HSPA13: variants seen among roughly 807,000 people sequenced by gnomAD.
HSPA13 encodes the protein heat shock protein family A (Hsp70) member 13.
HSPA13 carries 29 observed loss-of-function variants against 38.8 expected under a neutral mutation model. That is an observed-to-expected ratio of 0.75 (90% CI 0.56 to 1.02). HSPA13 has a LOEUF of 1.02. HSPA13 is among the 50% of genes least tolerant of loss of function. HSPA13 has a pLI of 0.00. For missense variants in HSPA13, 451 were observed against 560.9 expected, an observed-to-expected ratio of 0.80 and a Z score of 1.98; for synonymous variants, 192 against 205.3, an observed-to-expected ratio of 0.94 and a Z score of 0.56.
intron 2 of HSPA13, among the ~76,000 whole-genome samples, chr21:14,380,557 G>A (rs1215599379): frequency 6.6e-6 from 1 of 151,962 alleles, no homozygotes; most frequent in Non-Finnish European, 1.5e-5. Flanking sequence ...ATGGTTAAGA[G>A]CATATAACCT....
chr21:14,377,104 T>C (rs1003762574), intron 3 of HSPA13, among the ~76,000 whole-genome samples: 1 of 152,208 alleles, frequency 6.6e-6, no homozygotes, highest in African/African-American at 2.4e-5. Context: ...GTTAAATATT[T>C]TGTAGTTTAC....
Position 14,373,366 on chromosome 21 carries a change from T to G in HSPA13, c.*251A>C, listed in dbSNP as rs539235679. Reference sequence around the variant, plus strand: ...GAAAATATAGTTATCCATACTCTTTTAAGAGAGTTGTACCTCAATTTTATC... The same window carrying G: ...GAAAATATAGTTATCCATACTCTTTGAAGAGAGTTGTACCTCAATTTTATC... On this transcript the variant is annotated 3_prime_UTR_variant, in exon 5 of 5. Coordinates refer to ENST00000285667, the MANE Select transcript of HSPA13 (RefSeq NM_006948.5). The G allele has an allele frequency of 3.7e-5, 16 of 430,668 alleles. No individual in the cohort carries two copies. The South Asian group carries it at 6.5e-4, about 17-fold the overall frequency. 26.7% of individuals were successfully genotyped at this position (430,668 alleles called of 1,614,324 possible).
At position 14,373,490 on chromosome 21, in the gene HSPA13, G is replaced by T; in HGVS notation, c.*127C>A. On this transcript the variant is annotated 3_prime_UTR_variant, in exon 5 of 5. Transcript: ENST00000285667. ...ACAAAACACTATGTAAAATTTTCCT[G>T]TATCTAAATGTTGCCCTCTAGGTAA... is the stretch of plus-strand genomic sequence containing the variant. 2 of 768,774 alleles carry T rather than the reference G, an allele frequency of 2.6e-6. No individual in the cohort carries two copies. Among genetic ancestry groups the T allele is most frequent in the East Asian group, 2.7e-5 (1 of 37,202 alleles). The allele number at this position is 768,774 out of a possible 1,614,324, so 47.6% of individuals were successfully genotyped here.
At chr21:14,380,489 T>C (rs1056155341) in intron 2 of HSPA13, among the ~76,000 whole-genome samples, 2 of 152,054 alleles carry the variant, frequency 1.3e-5, no homozygotes, top group Admixed American at 6.5e-5. Flanking sequence ...TTTTCACTTA[T>C]CTGACTGTTA....
At position 14,372,965 on chromosome 21, in the gene HSPA13, A is replaced by G. The variant is rs1982861109; in HGVS notation, c.*652T>C. 2 of 152,234 alleles carry G rather than the reference A, an allele frequency of 1.3e-5. No individual in the cohort carries two copies. The highest frequency in any genetic ancestry group is 2.9e-5 in the Non-Finnish European group (2 of 68,038). The allele number at this position is 152,234 out of a possible 1,614,324, so 9.4% of individuals were successfully genotyped here. ...TATTTCTATTATATGGTGCTGAAAC[A>G]TTTGAATACCTTTAGAAATAAAATA... On this transcript the variant is annotated 3_prime_UTR_variant, in exon 5 of 5. Transcript: ENST00000285667.
chr21:14,376,972 T>A (rs956499970), intron 3 of HSPA13, among the ~76,000 whole-genome samples: 2 of 152,220 alleles, frequency 1.3e-5, no homozygotes, highest in Non-Finnish European at 2.9e-5. Flanking sequence ...TATCAGTGGC[T>A]CTCAACAAGA....
intron 4 of HSPA13, among the ~76,000 whole-genome samples, chr21:14,375,182 C>A (rs2822641): frequency 0.11 from 16,029 of 152,094 alleles, 1,656 homozygotes; most frequent in African/African-American, 0.27. Flanking sequence ...ATACTGATCA[C>A]CCTTCATTTT....
rs1984000535 is a variant in HSPA13 at position 14,375,584 on chromosome 21, G to A, written c.748+68C>T. The A allele has an allele frequency of 1.2e-5, 16 of 1,335,894 alleles. No homozygotes were observed. The South Asian group carries it at 2.0e-4, about 16-fold the overall frequency. The allele number at this position is 1,335,894 out of a possible 1,614,324, so 82.8% of individuals were successfully genotyped here. On this transcript the variant is annotated intron_variant, in intron 4 of 4. Transcript: ENST00000285667. ...CCCCATCTCGTGATCCACCCGCCTC[G>A]GCCTCCCAAAGTGCTGGGATTACAG...
chr21:14,378,222 G>A lies in HSPA13; in HGVS notation c.557C>T (p.Thr186Ile). ...ACCTGCAAGGTTAGCAGCTTCAATT[G>A]TTGAATTTCTCTGTTTTAGATCAAA... The part of the protein sequence containing the change: ...AEFDLKQRNS[T>I]IEAANLAGLK... Residue 186 changes from threonine to isoleucine, a missense_variant, in exon 3 of 5, where the codon ACA (threonine) becomes ATA (isoleucine). Physicochemically the swap from Thr to Ile is moderately conservative, Grantham distance 89 (BLOSUM62 -1). Coordinates refer to ENST00000285667, the MANE Select transcript of HSPA13 (RefSeq NM_006948.5). 6.2e-7 allele frequency: 1 copy of A among 1,613,956 alleles called. No homozygotes were observed. The highest frequency in any genetic ancestry group is 8.5e-7 in the Non-Finnish European group (1 of 1,179,880).
intron 3 of HSPA13, among the ~76,000 whole-genome samples, chr21:14,376,306 G>C (rs1984025690): frequency 6.6e-6 from 1 of 152,190 alleles, no homozygotes; most frequent in Non-Finnish European, 1.5e-5. Context: ...CCAGCTACTA[G>C]GGAGGCTGAG....
chr21:14,379,273 A>G (rs1420781379), intron 2 of HSPA13, among the ~76,000 whole-genome samples: 4 of 152,188 alleles, frequency 2.6e-5, no homozygotes, highest in African/African-American at 9.6e-5. Flanking sequence ...GTACATTTAA[A>G]AAACTATTTT....
At position 14,371,392 on chromosome 21, in the gene HSPA13, C is replaced by T. The variant is rs907103770; in HGVS notation, c.*2225G>A. ...CAAATAACACTGGCTAAATGTACAA[C>T]TAAAGTTTATTAATTTTTTTTATGA... On this transcript the variant is annotated 3_prime_UTR_variant, in exon 5 of 5. Coordinates refer to ENST00000285667, the MANE Select transcript of HSPA13 (RefSeq NM_006948.5). 1.3e-5 allele frequency: 2 copies of T among 152,350 alleles called. No individual in the cohort carries two copies. The highest frequency in any genetic ancestry group is 2.9e-5 in the Non-Finnish European group (2 of 67,974). 9.4% of individuals were successfully genotyped at this position (152,350 alleles called of 1,614,324 possible). A position where few individuals can be genotyped will look rare whatever the true frequency, so the allele number is the denominator to read the frequency against.
intron 2 of HSPA13, among the ~76,000 whole-genome samples, chr21:14,380,349 A>G: frequency 6.6e-6 from 1 of 151,870 alleles, no homozygotes; most frequent in East Asian, 1.9e-4. Context: ...AGGAAAAGAA[A>G]AACACACCAA....
chr21:14,382,729 C>G (rs55983630), intron 1 of HSPA13, among the ~76,000 whole-genome samples: 1 of 152,098 alleles, frequency 6.6e-6, no homozygotes, highest in African/African-American at 2.4e-5. Flanking sequence ...GCTCCTCCCC[C>G]TTCCTCCACA....
In HSPA13 at chr21:14,374,354, T is replaced by G. The variant is rs1223121814; in HGVS notation, c.749-70A>C. On this transcript the variant is annotated intron_variant, in intron 4 of 4. Transcript: ENST00000285667. ...GTATGTATACACGTATGTTATTATG[T>G]ATACGTAAAAATTATATTCTGGGAA... is the stretch of plus-strand genomic sequence containing the variant. 3.7e-6 allele frequency: 4 copies of G among 1,082,280 alleles called. No individual in the cohort carries two copies. In the East Asian group the frequency reaches 9.9e-5, roughly 27 times the overall value. 67.0% of individuals were successfully genotyped at this position (1,082,280 alleles called of 1,614,324 possible).
chr21:14,374,770 AC>A (rs1434444255), intron 4 of HSPA13, among the ~76,000 whole-genome samples: 12 of 152,200 alleles, frequency 7.9e-5, no homozygotes, highest in African/African-American at 2.9e-4. Context: ...CTATTTAAAA[AC>A]ACTGAATGTC....
rs905531373 is a variant in HSPA13 at position 14,372,508 on chromosome 21, A to C, written c.*1109T>G. ...GATTTCCACGTTACTTCCAGTATTC[A>C]CAAATTTTTTGCTTTCATTACAAAC... On this transcript the variant is annotated 3_prime_UTR_variant, in exon 5 of 5. Coordinates refer to ENST00000285667, the MANE Select transcript of HSPA13 (RefSeq NM_006948.5). 1 of 152,138 alleles carries C rather than the reference A, an allele frequency of 6.6e-6. No homozygotes were observed. Among genetic ancestry groups the C allele is most frequent in the African/African-American group, 2.4e-5 (1 of 41,464 alleles). 9.4% of individuals were successfully genotyped at this position (152,138 alleles called of 1,614,324 possible).
intron 3 of HSPA13, among the ~76,000 whole-genome samples, chr21:14,376,287 C>T (rs542143005): frequency 6.6e-6 from 1 of 152,298 alleles, no homozygotes; most frequent in South Asian, 2.1e-4. Flanking sequence ...GTGGCGGGCG[C>T]CCGTAGTCCC....
chr21:14,383,064 G>A (rs1235246688), intron 1 of HSPA13, 31 bp downstream of exon 1: 2 of 1,613,410 alleles, frequency 1.2e-6, no homozygotes, highest in Admixed American at 1.7e-5. Flanking sequence ...CTCTACGCCC[G>A]CAAGAGCAAC....
Sources: allele counts gnomAD v4.1 joint callset (sites outside exome capture counted in the v4.1 genomes callset), GRCh38; gene constraint gnomAD v4.1.1; transcripts MANE v1.5; gene names NCBI Gene and HGNC (gene_info 2026-07-23, HGNC 2026-07-21).